Variants in RYR1 observed in about 807,000 individuals in gnomAD.
RYR1 encodes central core disease of muscle.
In RYR1, 342 loss-of-function variants were observed where a neutral mutation model predicts 583.5. That is an observed-to-expected ratio of 0.59 (90% CI 0.54 to 0.64). The LOEUF is 0.64. Among genes scored for constraint, RYR1 ranks in the 30% least tolerant of loss-of-function variants. The pLI is 0.00. For missense variants in RYR1, 6,032 were observed against 6,917.2 expected (o/e 0.87, Z 4.54); for synonymous variants, 2,791 against 2,822.5 (o/e 0.99, Z 0.35).
chr19:38,562,650 C>T (rs1973201430), intron 90 of RYR1, among the ~76,000 whole-genome samples: 1 of 152,128 alleles, frequency 6.6e-6, no homozygotes, highest in African/African-American at 2.4e-5. Flanking sequence ...ACCCTTGGCT[C>T]CCCTTCCCAC....
At chr19:38,481,509 C>G (rs1336601265) in intron 31 of RYR1, among the ~76,000 whole-genome samples, 1 of 152,120 alleles carries the variant, frequency 6.6e-6, no homozygotes, top group Non-Finnish European at 1.5e-5. Context: ...AGATTTCCCC[C>G]TCCATTCCTT....
chr19:38,501,131 A>G (rs1372958891), intron 47 of RYR1, 141 bp downstream of exon 47: 2 of 815,810 alleles, frequency 2.5e-6, no homozygotes, highest in Non-Finnish European at 3.9e-6. Context: ...TCATCAAGAT[A>G]GAAAATGAAA....
rs746641097 is a variant in RYR1 at position 38,532,679 on chromosome 19, C to T, written c.11202C>T (p.His3734=). 1.2e-6 allele frequency: 2 copies of T among 1,613,910 alleles called. No individual in the cohort carries two copies. The highest frequency in any genetic ancestry group is 1.7e-5 in the Admixed American group (1 of 59,996). Residue 3734 remains histidine (H), a synonymous_variant, in exon 78 of 106, where the codon CAC becomes CAT. Coordinates refer to ENST00000359596, the MANE Select transcript of RYR1 (RefSeq NM_000540.3). ...TGATGCCCCCTCCCCAGAGCTGCCA[C>T]CTGGAGGAGGGAGGGGAGAACGGTG... ...AYADIMAKSC[H]LEEGGENGEA...
chr19:38,467,691 G>A lies in RYR1; in HGVS notation c.3260G>A (p.Trp1087Ter). The A allele has an allele frequency of 6.2e-7, 1 of 1,614,218 alleles. No individual in the cohort carries two copies. Among genetic ancestry groups the A allele is most frequent in the Non-Finnish European group, 8.5e-7 (1 of 1,180,040 alleles). ...TCCTATACAGTGCAGAGCGGCCGCT[G>A]GTACTTCGAGTTTGAAGCAGTCACC... The part of the protein sequence containing the change: ...EKSYTVQSGR[W>*]YFEFEAVTTG... Residue 1087 changes from tryptophan (W) to a stop codon, truncating the protein, a stop_gained, in exon 25 of 106, where the codon TGG becomes TAG. Transcript: ENST00000359596. LOFTEE classifies it high-confidence loss of function.
In RYR1 at chr19:38,502,763, A is replaced by AGGCTTCAGGGT; in HGVS notation, c.7835+38_7835+39insCTTCAGGGTGG. 9.9e-6 allele frequency: 4 copies of AGGCTTCAGGGT among 402,162 alleles called. No homozygotes were observed. The East Asian group carries it at 1.9e-4, about 19-fold the overall frequency. The allele number at this position is 402,162 out of a possible 1,614,324, so 24.9% of individuals were successfully genotyped here. On this transcript the variant is annotated intron_variant, in intron 48 of 105. Transcript: ENST00000359596. ...GCAGGCTTCAGGGTGGGGCAGGGGC[A>AGGCTTCAGGGT]GGGGCAGGGGCAGGGGCAGGGGCAG...
intron 93 of RYR1, among the ~76,000 whole-genome samples, chr19:38,569,990 C>T (rs939798504): frequency 6.6e-6 from 1 of 151,846 alleles, no homozygotes; most frequent in Non-Finnish European, 1.5e-5. Flanking sequence ...ATGGTGAGAC[C>T]CCGTCTCTAC....
At chr19:38,534,014 T>C (rs980678214) in intron 78 of RYR1, among the ~76,000 whole-genome samples, 4 of 149,780 alleles carry the variant, frequency 2.7e-5, no homozygotes, top group African/African-American at 9.8e-5. Flanking sequence ...AATTTTTTTT[T>C]TTTTTTTTTT....
rs71165563 is a variant in RYR1, at chr19:38,566,448, CAA to C, written c.13438-435_13438-434del. On this transcript the variant is annotated intron_variant, in intron 91 of 105. Coordinates refer to ENST00000359596, the MANE Select transcript of RYR1 (RefSeq NM_000540.3). ...TGGGCGACAGAGCGAGACTCTGTCT[CAA>C]AAAAAAAAAAAAAAAAAAAAAAAAA... is the stretch of plus-strand genomic sequence containing the variant. Among the ~76,000 whole-genome samples the C allele has an allele frequency of 6.9e-3, 353 of 51,032 alleles. 3 individuals are homozygous for C. The highest frequency in any genetic ancestry group is 0.025 in the African/African-American group (324 of 12,926). The allele number at this position is 51,032 out of a possible 152,430, so 33.5% of individuals were successfully genotyped here.
Position 38,511,618 on chromosome 19 carries a change from G to A in RYR1, c.9172+8G>A. The A allele has an allele frequency of 6.2e-7, 1 of 1,613,882 alleles. No individual in the cohort carries two copies. Among genetic ancestry groups the A allele is most frequent in the Non-Finnish European group, 8.5e-7 (1 of 1,179,964 alleles). On this transcript the variant is annotated splice_region_variant and intron_variant, in intron 61 of 105. Transcript: ENST00000359596. ...ACCGAGTCTCTCTCTTTGGTAAGTG[G>A]CTCCACACCTTCGGTCTTCCTCCCT...
chr19:38,476,268 G>T (rs914592526), intron 29 of RYR1, among the ~76,000 whole-genome samples: 1 of 151,996 alleles, frequency 6.6e-6, no homozygotes, highest in African/African-American at 2.4e-5. Flanking sequence ...GCGCGATCTC[G>T]GCTCACTGCA....
Position 38,565,743 on chromosome 19 carries a change from G to A in RYR1, c.13409G>A (p.Gly4470Asp). Residue 4470 changes from glycine to aspartate, a missense_variant, in exon 91 of 106, where the codon GGC (glycine) becomes GAC (aspartate). Physicochemically the swap from Gly to Asp is moderately conservative, Grantham distance 94. Around this residue, in one of 11 missense-constraint regions of RYR1, gnomAD observed 753 missense variants for 759.6 expected, o/e 0.99. Transcript: ENST00000359596. This position sits in a 1 kb window ranked among gnomAD's most constrained non-coding sequence, Gnocchi z 4.7. ...CCTGCGGAACCGCCCACACCCGAGG[G>A]CTCTCCCATCCTCAAGAGGAAATTG... ...TTPAEPPTPE[G>D]SPILKRKLGV... is the part of the protein sequence containing the mutation. 1 of 1,425,296 alleles carries A rather than the reference G, an allele frequency of 7.0e-7. No homozygotes were observed. The highest frequency in any genetic ancestry group is 9.1e-7 in the Non-Finnish European group (1 of 1,097,850). 88.3% of individuals were successfully genotyped at this position (1,425,296 alleles called of 1,614,324 possible). A position where few individuals can be genotyped will look rare whatever the true frequency, so the allele number is the denominator to read the frequency against.
Position 38,506,333 on chromosome 19 carries a change from C to T in RYR1, c.8572C>T (p.Gln2858Ter). 1 of 1,613,788 alleles carries T rather than the reference C, an allele frequency of 6.2e-7. No individual in the cohort carries two copies. Among genetic ancestry groups the T allele is most frequent in the Non-Finnish European group, 8.5e-7 (1 of 1,179,864 alleles). The stretch of plus-strand genomic sequence containing the variant: ...TGATCCTCGAGAAGGCTACAACCCT[C>T]AGCCCCCCGACCTTAGTGCTGTTAC... ...TYDPREGYNPQPPDLSAVTLS... is the reference protein window; with the variant it reads ...TYDPREGYNP Residue 2858 changes from glutamine to a stop codon, truncating the protein, a stop_gained, in exon 55 of 106, where the codon CAG becomes TAG. Coordinates refer to ENST00000359596, the MANE Select transcript of RYR1 (RefSeq NM_000540.3). LOFTEE classifies it high-confidence loss of function.
At chr19:38,532,122 C>CT (rs552357645) in intron 76 of RYR1, among the ~76,000 whole-genome samples, 10,134 of 138,698 alleles carry the variant, frequency 0.073, 1,015 homozygotes, top group African/African-American at 0.22. Context: ...ACCAGAAGCT[C>CT]TTTTTTTTTT....
chr19:38,466,689 G>A (rs188346317), intron 24 of RYR1, among the ~76,000 whole-genome samples: 1 of 152,088 alleles, frequency 6.6e-6, no homozygotes, highest in Non-Finnish European at 1.5e-5. Flanking sequence ...TTTTAGTAGA[G>A]ACAGGATTTC....
In RYR1 at chr19:38,502,865, T is replaced by A; in HGVS notation, c.7836-15T>A. 1 of 1,608,370 alleles carries A rather than the reference T, an allele frequency of 6.2e-7. No individual in the cohort carries two copies. The highest frequency in any genetic ancestry group is 8.5e-7 in the Non-Finnish European group (1 of 1,179,616). On this transcript the variant is annotated splice_polypyrimidine_tract_variant and intron_variant, in intron 48 of 105. Transcript: ENST00000359596. ...CCTGGACGGGGGATTCTACATCTTGTGCATTGTCCCGCAGGTACATCCGCC... is the reference window on the plus strand; with the variant it reads ...CCTGGACGGGGGATTCTACATCTTGAGCATTGTCCCGCAGGTACATCCGCC...
At chr19:38,586,045 A>T (rs551549226) in intron 103 of RYR1, 43 bp downstream of exon 103, 2 of 1,613,834 alleles carry the variant, frequency 1.2e-6, no homozygotes, top group African/African-American at 1.3e-5. Flanking sequence ...TACGGGATTC[A>T]GGGGGTCAAG....
chr19:38,546,641 G>T, intron 88 of RYR1, 115 bp downstream of exon 88: 1 of 837,336 alleles, frequency 1.2e-6, no homozygotes, highest in Non-Finnish European at 2.0e-6. Flanking sequence ...ATCGTGTCAG[G>T]ATCCATGGGT....
At chr19:38,560,334 C>A (rs527446643) in intron 89 of RYR1, among the ~76,000 whole-genome samples, 6 of 149,786 alleles carry the variant, frequency 4.0e-5, no homozygotes, top group African/African-American at 9.8e-5. Context: ...CTGCACCACT[C>A]CAGCCTGGGT....
chr19:38,568,547 C>T (rs945595975), intron 93 of RYR1, among the ~76,000 whole-genome samples: 3 of 147,106 alleles, frequency 2.0e-5, no homozygotes, highest in African/African-American at 7.6e-5. Flanking sequence ...ACCAGACTGG[C>T]CAACATGGTG....
Sources: gnomAD v4.1 joint callset for allele counts (sites outside exome capture counted in the v4.1 genomes callset) on GRCh38, gnomAD v4.1.1 for gene constraint, gnomAD v4.1.1 regional missense constraint, Gnocchi (gnomAD v3.1) non-coding constraint, MANE v1.5 for transcripts, NCBI Gene and HGNC (gene_info 2026-07-23, HGNC 2026-07-21) for gene names.